EAF2: variants seen among roughly 807,000 people sequenced by gnomAD.
EAF2 encodes the protein ELL-associated factor 2.
EAF2 carries 29 observed loss-of-function variants against 29.4 expected under a neutral mutation model. The observed-to-expected ratio is 0.99, with a 90% CI of 0.73 to 1.35. The LOEUF is 1.35. Among genes scored for constraint, EAF2 ranks in the 40% most tolerant of loss-of-function variants. EAF2 has a pLI of 0.00. For missense variants in EAF2, 292 were observed against 312.0 expected (o/e 0.94, Z 0.48); for synonymous variants, 103 against 102.5 (o/e 1.00, Z -0.03).
At chr3:121,856,943 C>A in intron 3 of EAF2, 68 bp from the exon 4 acceptor site, 1 of 1,413,558 alleles carries the variant, frequency 7.1e-7, no homozygotes, top group Non-Finnish European at 9.7e-7. Context: ...GTTTTAGTAA[C>A]TTTGTAAGTT....
chr3:121,870,476 A>T (rs1708992474), intron 4 of EAF2, among the ~76,000 whole-genome samples: 2 of 152,150 alleles, frequency 1.3e-5, no homozygotes, highest in Admixed American at 6.6e-5. Context: ...TAAACTAAGC[A>T]ATGGGGGTTG....
In EAF2 at chr3:121,872,769, C is replaced by G; in HGVS notation, c.717C>G (p.Gly239=). 6.2e-7 allele frequency: 1 copy of G among 1,611,258 alleles called. No homozygotes were observed. Among genetic ancestry groups the G allele is most frequent in the African/African-American group, 1.3e-5 (1 of 74,890 alleles). The change falls in exon 5 of 6, where the codon GGC becomes GGG. Residue 239 remains glycine (G), a synonymous_variant. Coordinates refer to ENST00000273668, the MANE Select transcript of EAF2 (RefSeq NM_018456.6). ...ATAATAGATTTCGAGACAACAGTGG[C>G]CTTCTGATGAATACTTTAAGTAAGT... The part of the protein sequence containing the change: ...ASHNRFRDNS[G]LLMNTLRNDL...
At position 121,844,474 on chromosome 3, in the gene EAF2, T is replaced by C. The variant is rs759771439; in HGVS notation, c.128T>C (p.Ile43Thr). Residue 43 changes from isoleucine (I) to threonine (T), a missense_variant, in exon 2 of 6, where the codon ATT (isoleucine) becomes ACT (threonine). Coordinates refer to ENST00000273668, the MANE Select transcript of EAF2 (RefSeq NM_018456.6). ...TVRYDFKPAS[I>T]DTSSEGYLEV... ...TTAGATGACTTCAAACCTGCTTCTA[T>C]TGACACTTCTTCTGAAGGATACCTT... The C allele has an allele frequency of 1.9e-6, 3 of 1,609,530 alleles. No homozygotes were observed. Among genetic ancestry groups the C allele is most frequent in the Admixed American group, 1.7e-5 (1 of 59,202 alleles).
In EAF2 at chr3:121,841,099, A is replaced by G. The variant is rs187340596; in HGVS notation, c.107-3354A>G. 2.0e-5 allele frequency among the ~76,000 whole-genome samples: 3 copies of G among 152,338 alleles called. No homozygotes were observed. In the East Asian group the frequency reaches 5.8e-4, roughly 29 times the overall value. On this transcript the variant is annotated intron_variant, in intron 1 of 5. Coordinates refer to ENST00000273668, the MANE Select transcript of EAF2 (RefSeq NM_018456.6). ...CAAGAATGGAAGGGGATGGCTTTGAAAAATATTAAAGAAGATATAATAATT... is the reference window on the plus strand; with the variant it reads ...CAAGAATGGAAGGGGATGGCTTTGAGAAATATTAAAGAAGATATAATAATT...
rs542201417 is a variant in EAF2 at position 121,851,861 on chromosome 3, G to A, written c.202-2826G>A. Among the ~76,000 whole-genome samples the A allele has an allele frequency of 2.8e-3, 433 of 152,240 alleles. 5 individuals are homozygous for A. The highest frequency in any genetic ancestry group is 1.9e-3 in the Non-Finnish European group (131 of 68,018). ...GGTGGTATTCAATAGTTATTTAGAG[G>A]CAATGATAGTTCATATGCTTAGTAG... On this transcript the variant is annotated intron_variant, in intron 2 of 5. Coordinates refer to ENST00000273668, the MANE Select transcript of EAF2 (RefSeq NM_018456.6).
intron 2 of EAF2, among the ~76,000 whole-genome samples, chr3:121,845,166 G>A (rs981928682): frequency 3.9e-5 from 6 of 152,144 alleles, no homozygotes; most frequent in East Asian, 1.9e-4. Context: ...TGGGATGGGC[G>A]CGGTGGCTCA....
chr3:121,870,245 A>G (rs1708988765), intron 4 of EAF2, among the ~76,000 whole-genome samples: 1 of 152,210 alleles, frequency 6.6e-6, no homozygotes, highest in South Asian at 2.1e-4. Context: ...CTATGAACCA[A>G]TATCTCTGAT....
At chr3:121,844,339 C>A in intron 1 of EAF2, 114 bp from the exon 2 acceptor site, 2 of 635,254 alleles carry the variant, frequency 3.1e-6, no homozygotes, top group East Asian at 6.4e-5. Context: ...TACTTTAAAC[C>A]ATTTTAATTA....
At chr3:121,879,049 A>G (rs1479879373) in intron 5 of EAF2, among the ~76,000 whole-genome samples, 5 of 152,144 alleles carry the variant, frequency 3.3e-5, no homozygotes, top group Admixed American at 6.5e-5. Flanking sequence ...TGTCTTTTCA[A>G]TAATAGCCAT....
chr3:121,874,256 G>A (rs1709061819), intron 5 of EAF2, among the ~76,000 whole-genome samples: 1 of 151,860 alleles, frequency 6.6e-6, no homozygotes. Context: ...AAAGAAGGGA[G>A]AAGCCAAGAC....
chr3:121,865,983 T>C (rs1478239512), intron 4 of EAF2, among the ~76,000 whole-genome samples: 1 of 152,148 alleles, frequency 6.6e-6, no homozygotes, highest in Non-Finnish European at 1.5e-5. Context: ...TCTAAAGACA[T>C]CTTGAGACTG....
intron 1 of EAF2, among the ~76,000 whole-genome samples, chr3:121,842,051 T>A (rs6766280): frequency 2.0e-5 from 3 of 151,366 alleles, no homozygotes; most frequent in Non-Finnish European, 4.4e-5. Flanking sequence ...GGGTGTGGTG[T>A]CATGTGCCTG....
chr3:121,852,913 A>T (rs553479389), intron 2 of EAF2, among the ~76,000 whole-genome samples: 2 of 152,362 alleles, frequency 1.3e-5, no homozygotes, highest in South Asian at 4.1e-4. Context: ...TGACAAACGT[A>T]AAATTCCTTC....
chr3:121,853,086 A>C (rs565353906), intron 2 of EAF2, among the ~76,000 whole-genome samples: 1 of 152,184 alleles, frequency 6.6e-6, no homozygotes, highest in East Asian at 1.9e-4. Context: ...TAATCTTTTT[A>C]TTTTTTAATC....
At chr3:121,844,705 A>AAT (rs35469357) in intron 2 of EAF2, among the ~76,000 whole-genome samples, 158 bp downstream of exon 2, 33 of 151,964 alleles carry the variant, frequency 2.2e-4, no homozygotes, top group African/African-American at 7.5e-4. Flanking sequence ...GGCAAAAAAA[A>AAT]CTTAAAATAC....
chr3:121,873,052 G>C lies in EAF2; in HGVS notation c.736+264G>C, dbSNP rs149960320. 29 of 707,760 alleles carry C rather than the reference G, an allele frequency of 4.1e-5. No individual in the cohort carries two copies. The East Asian group carries it at 7.8e-4, about 19-fold the overall frequency. The allele number at this position is 707,760 out of a possible 1,614,324, so 43.8% of individuals were successfully genotyped here. A position where few individuals can be genotyped will look rare whatever the true frequency, so the allele number is the denominator to read the frequency against. The stretch of plus-strand genomic sequence containing the variant: ...CCTCTGCTCAGTCATTAAAGTTGGA[G>C]TTTCTCAAGGCTTACTTTTGGGTTC... On this transcript the variant is annotated intron_variant, in intron 5 of 5. Transcript: ENST00000273668.
intron 1 of EAF2, chr3:121,836,525 G>GT (rs796939119): frequency 8.6e-5 from 51 of 589,818 alleles, no homozygotes; most frequent in African/African-American, 3.8e-4. Flanking sequence ...TACTAAAAGG[G>GT]TTTTTTTAAA....
rs141725383 is a variant in EAF2, at chr3:121,871,285, C to T, written c.485-1252C>T. The stretch of plus-strand genomic sequence containing the variant: ...TTGAAAGAAGGCAGACCAAAAAGTA[C>T]ATGCTGAGTGAATCTATTTGTATGA... On this transcript the variant is annotated intron_variant, in intron 4 of 5. Transcript: ENST00000273668. 8.8e-4 allele frequency among the ~76,000 whole-genome samples: 133 copies of T among 151,440 alleles called. 1 individual carries two copies. In the South Asian group the frequency reaches 0.013, roughly 15 times the overall value.
intron 5 of EAF2, among the ~76,000 whole-genome samples, chr3:121,880,874 C>G (rs758403693): frequency 6.6e-6 from 1 of 152,024 alleles, no homozygotes; most frequent in South Asian, 2.1e-4. Flanking sequence ...TCTTATATGG[C>G]CTTTATTATG....
Sources: allele counts gnomAD v4.1 joint callset (sites outside exome capture counted in the v4.1 genomes callset), GRCh38; gene constraint gnomAD v4.1.1; transcripts MANE v1.5; gene names NCBI Gene and HGNC (gene_info 2026-07-23, HGNC 2026-07-21).